PEX7: variants seen among roughly 807,000 people sequenced by gnomAD.
PEX7 encodes peroxisomal biogenesis factor 7.
Under a neutral mutation model 47.5 loss-of-function variants are expected in PEX7, and 34 were observed. The ratio of observed to expected loss-of-function variants is 0.72; its 90% CI spans 0.54 to 0.95. The LOEUF is 0.95. Among genes scored for constraint, PEX7 ranks in the 40% least tolerant of loss-of-function variants. The pLI, the probability that PEX7 is intolerant of heterozygous loss-of-function variation, is 0.00. For missense variants in PEX7, 394 were observed against 400.3 expected, an observed-to-expected ratio of 0.98 and a Z score of 0.13; for synonymous variants, 141 against 148.8, an observed-to-expected ratio of 0.95 and a Z score of 0.38.
chr6:136,860,088 A>G (rs1290500361), intron 5 of PEX7, among the ~76,000 whole-genome samples: 1 of 152,158 alleles, frequency 6.6e-6, no homozygotes, highest in African/African-American at 2.4e-5. Context: ...GAAGCTGGCA[A>G]TTCAGGTGAG....
chr6:136,846,488 C>G (rs1032565201), intron 5 of PEX7, among the ~76,000 whole-genome samples: 2 of 151,964 alleles, frequency 1.3e-5, no homozygotes, highest in African/African-American at 2.4e-5. Context: ...TGCTATCTCT[C>G]CCCCCTTCCC....
chr6:136,912,970 C>G (rs1461653410), intron 9 of PEX7, among the ~76,000 whole-genome samples: 2 of 152,172 alleles, frequency 1.3e-5, no homozygotes, highest in Non-Finnish European at 1.5e-5. Context: ...CTGACACTGT[C>G]CCAGCTGGAA....
rs551544957 is a variant in PEX7 at position 136,858,496 on chromosome 6, T to C, written c.527-8131T>C. Among the ~76,000 whole-genome samples, 58 of 152,244 alleles carry C rather than the reference T, an allele frequency of 3.8e-4. 2 individuals are homozygous for C. In the South Asian group the frequency reaches 0.011, roughly 28 times the overall value. On this transcript the variant is annotated intron_variant, in intron 5 of 9. Coordinates refer to ENST00000318471, the MANE Select transcript of PEX7 (RefSeq NM_000288.4). ...AGAATCTGGCTAATCATCAGAACCA[T>C]TGGGAGAGCATTAAAAAACAGCAGC...
At chr6:136,875,547 A>G (rs970337674) in intron 8 of PEX7, among the ~76,000 whole-genome samples, 20 of 152,204 alleles carry the variant, frequency 1.3e-4, no homozygotes, top group Admixed American at 3.9e-4. Context: ...GAACATATTG[A>G]AATTTGGGGG....
chr6:136,859,457 T>C (rs972097186), intron 5 of PEX7, among the ~76,000 whole-genome samples: 4 of 152,056 alleles, frequency 2.6e-5, no homozygotes, highest in African/African-American at 9.7e-5. Context: ...TCTAGTTGCG[T>C]AAGTCATAAC....
chr6:136,864,876 C>T (rs1762633716), intron 5 of PEX7, among the ~76,000 whole-genome samples: 1 of 152,106 alleles, frequency 6.6e-6, no homozygotes, highest in Non-Finnish European at 1.5e-5. Context: ...GGGTATGTAT[C>T]CTATAACCAC....
chr6:136,829,918 C>T (rs1014259969), intron 3 of PEX7: 4 of 679,314 alleles, frequency 5.9e-6, no homozygotes, highest in South Asian at 1.6e-5. Context: ...GCCTGGACAA[C>T]AGAGTGAGAC....
At chr6:136,822,880 A>G in intron 1 of PEX7, 85 bp downstream of exon 1, 1 of 1,223,664 alleles carries the variant, frequency 8.2e-7, no homozygotes, top group Non-Finnish European at 1.0e-6. Flanking sequence ...GCTCGAGGGA[A>G]AGCCCCTCTG....
intron 5 of PEX7, among the ~76,000 whole-genome samples, chr6:136,847,821 A>G (rs1402979900): frequency 1.3e-5 from 2 of 152,038 alleles, no homozygotes; most frequent in African/African-American, 2.4e-5. Flanking sequence ...TTGTCTTGGC[A>G]ATGTGGGCTC....
intron 9 of PEX7, 22 bp downstream of exon 9, chr6:136,898,263 T>C (rs999141115): frequency 7.3e-7 from 1 of 1,366,970 alleles, no homozygotes; most frequent in African/African-American, 1.4e-5. Context: ...AATCTCATGA[T>C]ATTCTCTTCT....
intron 8 of PEX7, among the ~76,000 whole-genome samples, chr6:136,878,807 GATT>G (rs1457549702): frequency 6.6e-6 from 1 of 151,990 alleles, no homozygotes; most frequent in African/African-American, 2.4e-5. Context: ...TTTATGTTAT[GATT>G]ATTATTTGTA....
intron 3 of PEX7, among the ~76,000 whole-genome samples, chr6:136,831,879 C>G (rs1425933659): frequency 6.6e-6 from 1 of 152,262 alleles, no homozygotes; most frequent in Non-Finnish European, 1.5e-5. Context: ...GTCCTTATGG[C>G]TGCTTTCACT....
chr6:136,840,334 C>G (rs1774472418), intron 3 of PEX7, among the ~76,000 whole-genome samples: 1 of 151,996 alleles, frequency 6.6e-6, no homozygotes, highest in Non-Finnish European at 1.5e-5. Context: ...TCGCTTCTTC[C>G]CAGGAGTAAC....
chr6:136,850,917 G>GTTTTTTTT (rs35220728), intron 5 of PEX7, among the ~76,000 whole-genome samples: 1 of 69,168 alleles, frequency 1.4e-5, no homozygotes, highest in Non-Finnish European at 2.6e-5. Flanking sequence ...AAAACTGATG[G>GTTTTTTTT]TTTTTTTTTT....
rs887059321 is a variant in PEX7 at position 136,913,891 on chromosome 6, A to G, written c.*365A>G. The G allele has an allele frequency of 4.6e-6, 1 of 218,896 alleles. No individual in the cohort carries two copies. The highest frequency in any genetic ancestry group is 5.3e-5 in the Admixed American group (1 of 18,936). The allele number at this position is 218,896 out of a possible 1,614,324, so 13.6% of individuals were successfully genotyped here. A position where few individuals can be genotyped will look rare whatever the true frequency, so the allele number is the denominator to read the frequency against. On this transcript the variant is annotated 3_prime_UTR_variant, in exon 10 of 10. Coordinates refer to ENST00000318471, the MANE Select transcript of PEX7 (RefSeq NM_000288.4). ...GTCATTTTTGATGTAAAATATAATC[A>G]CTGCTGTGATAAATAAACTATCTAT...
chr6:136,828,108 A>G (rs1774230345), intron 3 of PEX7, among the ~76,000 whole-genome samples: 1 of 152,106 alleles, frequency 6.6e-6, no homozygotes, highest in Admixed American at 6.6e-5. Flanking sequence ...GGTAAATTCA[A>G]TATATTGACT....
At position 136,913,777 on chromosome 6, in the gene PEX7, A is replaced by C; in HGVS notation, c.*251A>C. ...TATGATATATCTTGTAGTATCTATT[A>C]AAATGTCTCTGGGTCATAAAATGGA... On this transcript the variant is annotated 3_prime_UTR_variant, in exon 10 of 10. Transcript: ENST00000318471. 1 of 445,382 alleles carries C rather than the reference A, an allele frequency of 2.2e-6. No individual in the cohort carries two copies. The allele number at this position is 445,382 out of a possible 1,614,324, so 27.6% of individuals were successfully genotyped here. A position where few individuals can be genotyped will look rare whatever the true frequency, so the allele number is the denominator to read the frequency against.
chr6:136,894,109 T>G (rs1386290842), intron 8 of PEX7, among the ~76,000 whole-genome samples: 1 of 152,120 alleles, frequency 6.6e-6, no homozygotes. Flanking sequence ...GTGGGGAGAT[T>G]GCTTGAGGCC....
intron 1 of PEX7, among the ~76,000 whole-genome samples, chr6:136,824,908 C>T (rs918436012): frequency 2.0e-5 from 3 of 152,152 alleles, no homozygotes; most frequent in Non-Finnish European, 2.9e-5. Flanking sequence ...ACAGAGTAGG[C>T]CCTTAAGTAT....
Sources: allele counts gnomAD v4.1 joint callset (sites outside exome capture counted in the v4.1 genomes callset), GRCh38; gene constraint gnomAD v4.1.1; transcripts MANE v1.5; gene names NCBI Gene and HGNC (gene_info 2026-07-23, HGNC 2026-07-21).